Variants in SLC25A53 observed in about 807,000 individuals in gnomAD.
SLC25A53 encodes mitochondrial carrier triple repeat protein 6.
Under a neutral mutation model 15.0 loss-of-function variants are expected in SLC25A53, and 5 were observed. That is an observed-to-expected ratio of 0.33 (90% CI 0.17 to 0.70). The LOEUF (loss-of-function observed/expected upper bound fraction) is 0.70, where lower values mean the gene tolerates loss of function less well. Among genes scored for constraint, SLC25A53 ranks in the 30% least tolerant of loss-of-function variants. The pLI, the probability that SLC25A53 is intolerant of heterozygous loss-of-function variation, is 0.67. For synonymous variants in SLC25A53, 95 were observed against 100.0 expected (o/e 0.95, Z 0.30); for missense variants, 216 against 241.6 (o/e 0.89, Z 0.70).
intron 1 of SLC25A53, among the ~76,000 whole-genome samples, chrX:104,134,056 G>A (rs990216096): frequency 3.6e-5 from 4 of 112,134 alleles, no homozygotes; most frequent in African/African-American, 1.3e-4. Context: ...AAGCTCTCAT[G>A]AGCACTGAAT....
rs782020671 is a variant in SLC25A53 at position 104,105,213 on chromosome X, C to T, written c.45G>A (p.Arg15=). 104 of 1,210,056 alleles carry T rather than the reference C, an allele frequency of 8.6e-5. No homozygotes were observed. The highest frequency in any genetic ancestry group is 4.8e-4 in the Admixed American group (22 of 45,836). The change falls in exon 2 of 2, where the codon AGG becomes AGA. Residue 15 remains arginine, a synonymous_variant. Transcript: ENST00000594199. ...NHSPGKELQH[R]TRAEAPGKKS... ...TCTTTCCTGGAGCCTCTGCTCGCGT[C>T]CTGTGCTGAAGCTCCTTCCCGGGAG...
chrX:104,132,269 C>G (rs1421371001), intron 1 of SLC25A53, among the ~76,000 whole-genome samples: 1 of 112,072 alleles, frequency 8.9e-6, no homozygotes, highest in Admixed American at 9.4e-5. Context: ...GAGAGGCACT[C>G]AAGTTGGTAG....
rs781881053 is a variant in SLC25A53, at chrX:104,105,767, G to GA, written c.-31-480dup. ...AGTTGGTATTAAATTTGGGGAGGGG[G>GA]AATCTCCCCTCGCCTTTCTCTCCAT... On this transcript the variant is annotated intron_variant, in intron 1 of 1. Coordinates refer to ENST00000594199, the MANE Select transcript of SLC25A53 (RefSeq NM_001012755.5). 1.8e-5 allele frequency among the ~76,000 whole-genome samples: 2 copies of GA among 111,885 alleles called. 1 individual carries two copies. The highest frequency in any genetic ancestry group is 7.5e-4 in the South Asian group (2 of 2,669).
chrX:104,145,598 T>C (rs782315804), intron 1 of SLC25A53, among the ~76,000 whole-genome samples: 1 of 111,059 alleles, frequency 9.0e-6, no homozygotes, highest in African/African-American at 3.3e-5. Flanking sequence ...AAGAATCAAA[T>C]AGACGAAATA....
chrX:104,106,910 C>A (rs782252021), intron 1 of SLC25A53, among the ~76,000 whole-genome samples: 1 of 107,013 alleles, frequency 9.3e-6, no homozygotes, highest in Non-Finnish European at 1.9e-5. Context: ...TCAATCTCCC[C>A]GCAATCCCAT....
At chrX:104,140,256 G>T (rs1365351108) in intron 1 of SLC25A53, among the ~76,000 whole-genome samples, 1 of 110,723 alleles carries the variant, frequency 9.0e-6, no homozygotes, top group Non-Finnish European at 1.9e-5. Flanking sequence ...CTCCCAAGCA[G>T]CTGGGACTAC....
chrX:104,116,111 T>C (rs1168251217), intron 1 of SLC25A53, among the ~76,000 whole-genome samples: 1 of 100,877 alleles, frequency 9.9e-6, no homozygotes, highest in Non-Finnish European at 2.0e-5. Context: ...AGACATCAGA[T>C]GGGGAACGGG....
At chrX:104,120,695 G>A (rs2075390776) in intron 1 of SLC25A53, among the ~76,000 whole-genome samples, 1 of 111,134 alleles carries the variant, frequency 9.0e-6, no homozygotes, top group East Asian at 2.8e-4. Context: ...TTACTGCATC[G>A]ACTGGGACCT....
chrX:104,138,026 A>G (rs1325952537), intron 1 of SLC25A53, among the ~76,000 whole-genome samples: 2 of 112,305 alleles, frequency 1.8e-5, no homozygotes, highest in Non-Finnish European at 3.8e-5. Flanking sequence ...AACGCATTCA[A>G]AAAGTTTCTA....
intron 1 of SLC25A53, among the ~76,000 whole-genome samples, chrX:104,130,327 GGAAGTGT>G (rs1394461449): frequency 9.0e-6 from 1 of 111,396 alleles, no homozygotes; most frequent in Non-Finnish European, 1.9e-5. Flanking sequence ...CTGACTCTGT[GGAAGTGT>G]GGTTTTAATG....
At chrX:104,117,957 CCT>C (rs1556361854) in intron 1 of SLC25A53, among the ~76,000 whole-genome samples, 2 of 108,625 alleles carry the variant, frequency 1.8e-5, no homozygotes, top group African/African-American at 7.2e-5. Flanking sequence ...TAATTCATCC[CCT>C]TTCCTTCCCC....
chrX:104,113,030 G>A (rs1556359766), intron 1 of SLC25A53: 1 of 94,150 alleles, frequency 1.1e-5, no homozygotes, highest in African/African-American at 4.0e-5. Flanking sequence ...GTAGGTCGGG[G>A]GTGTTGTTGG....
intron 1 of SLC25A53, chrX:104,114,552 T>C: frequency 8.3e-7 from 1 of 1,211,466 alleles, no homozygotes; most frequent in Non-Finnish European, 1.1e-6. Flanking sequence ...AAGCCTCCCT[T>C]TATGTGATCC....
At chrX:104,114,183 C>T (rs971672294) in intron 1 of SLC25A53, 1 of 1,209,769 alleles carries the variant, frequency 8.3e-7, no homozygotes, top group Admixed American at 2.2e-5. Context: ...GGGCCCATTC[C>T]ATGTTGAGGT....
In SLC25A53 at chrX:104,099,646, T is replaced by C. The variant is rs1556351772; in HGVS notation, c.*4688A>G. ...GAACATCTGTAAAACAAAACTGTTG[T>C]TTAGAGATGCTTATAAGGAAGAAAA... On this transcript the variant is annotated 3_prime_UTR_variant, in exon 2 of 2. Transcript: ENST00000594199. 8.9e-6 allele frequency: 1 copy of C among 112,021 alleles called. No homozygotes were observed. Among genetic ancestry groups the C allele is most frequent in the Non-Finnish European group, 1.9e-5 (1 of 53,235 alleles). The allele number at this position is 112,021 out of a possible 1,213,427, so 9.2% of individuals were successfully genotyped here.
Position 104,134,551 on chromosome X carries a change from A to G in SLC25A53, c.-32+22327T>C, listed in dbSNP as rs1176868822. On this transcript the variant is annotated intron_variant, in intron 1 of 1. Transcript: ENST00000594199. ...CTGCCACTTACTAGTTCTGTTCAGC[A>G]TATTACTTTATCTCTCTGTTCCTGT... Among the ~76,000 whole-genome samples, 3 of 111,703 alleles carry G rather than the reference A, an allele frequency of 2.7e-5. No individual in the cohort carries two copies. The East Asian group carries it at 8.5e-4, about 32-fold the overall frequency.
intron 1 of SLC25A53, among the ~76,000 whole-genome samples, chrX:104,107,691 C>T (rs1434641017): frequency 3.6e-5 from 4 of 112,169 alleles, no homozygotes; most frequent in Non-Finnish European, 7.5e-5. Flanking sequence ...TGTTCACTGA[C>T]ACCATGAGGC....
intron 1 of SLC25A53, among the ~76,000 whole-genome samples, chrX:104,110,724 G>A (rs2075336976): frequency 8.9e-6 from 1 of 112,170 alleles, no homozygotes; most frequent in South Asian, 3.7e-4. Context: ...CCGTTTCCAT[G>A]GAGTTGCTCC....
chrX:104,107,314 G>A (rs2075316731), intron 1 of SLC25A53, among the ~76,000 whole-genome samples: 1 of 111,912 alleles, frequency 8.9e-6, no homozygotes, highest in Non-Finnish European at 1.9e-5. Flanking sequence ...TTCCATGATG[G>A]CCTTGAGCCT....
Sources: gnomAD v4.1 joint callset for allele counts (sites outside exome capture counted in the v4.1 genomes callset) on GRCh38, gnomAD v4.1.1 for gene constraint, MANE v1.5 for transcripts, NCBI Gene and HGNC (gene_info 2026-07-23, HGNC 2026-07-21) for gene names.